The following DRC11 variants were observed in gnomAD, a reference collection of about 807,000 sequenced individuals.
The protein encoded by DRC11 is dynein regulatory complex subunit 11.
At chr2:236,458,038 T>C in the DRC11 span, among the ~76,000 whole-genome samples, 2 of 152,204 alleles carry the variant, frequency 1.3e-5, no homozygotes, top group Non-Finnish European at 2.9e-5. Flanking sequence ...TCTATTATTA[T>C]TATTATTGTT....
the DRC11 span, among the ~76,000 whole-genome samples, chr2:236,362,375 TCTC>T: frequency 2.6e-5 from 4 of 152,068 alleles, no homozygotes; most frequent in South Asian, 4.2e-4. This position sits in a 1 kb window ranked among gnomAD's most constrained non-coding sequence, Gnocchi z 5.7. Context: ...TCTTCCTCCT[TCTC>T]CTCAGCCTCC....
chr2:236,325,897 G>A, the DRC11 span, among the ~76,000 whole-genome samples: 9 of 152,158 alleles, frequency 5.9e-5, no homozygotes, highest in Non-Finnish European at 1.3e-4. This position sits in a 1 kb window ranked among gnomAD's most constrained non-coding sequence, Gnocchi z 4.4. Flanking sequence ...GCCACGGTGC[G>A]TGGCTTCATA....
chr2:236,497,021 T>C, the DRC11 span: 54 of 677,782 alleles, frequency 8.0e-5, no homozygotes, highest in African/African-American at 8.1e-4. The surrounding 1 kb of genome is among the most constrained non-coding windows in gnomAD (Gnocchi z 5.1). Context: ...CATGGTGTAA[T>C]TGAAGGCAAA....
At chr2:236,316,969 A>G in the DRC11 span, among the ~76,000 whole-genome samples, 1 of 152,206 alleles carries the variant, frequency 6.6e-6, no homozygotes, top group Non-Finnish European at 1.5e-5. The surrounding 1 kb of genome is among the most constrained non-coding windows in gnomAD (Gnocchi z 6.8). Flanking sequence ...CCACAGCAGC[A>G]TCATTCATAA....
At chr2:236,424,407 T>C in the DRC11 span, among the ~76,000 whole-genome samples, 2 of 152,186 alleles carry the variant, frequency 1.3e-5, no homozygotes, top group Non-Finnish European at 2.9e-5. Context: ...TATTACATTT[T>C]CATGGTTCAC....
the DRC11 span, among the ~76,000 whole-genome samples, chr2:236,453,534 A>C: frequency 2.0e-5 from 3 of 152,206 alleles, no homozygotes; most frequent in Admixed American, 6.5e-5. The surrounding 1 kb of genome is among the most constrained non-coding windows in gnomAD (Gnocchi z 4.9). Flanking sequence ...TGCGTTAAGT[A>C]CTGTAAAGAA....
the DRC11 span, among the ~76,000 whole-genome samples, chr2:236,358,102 ATAT>A: frequency 8.5e-6 from 1 of 117,146 alleles, no homozygotes; most frequent in Non-Finnish European, 1.6e-5. Flanking sequence ...TACCATATGA[ATAT>A]ATATTATACA....
the DRC11 span, among the ~76,000 whole-genome samples, chr2:236,420,305 A>C: frequency 6.6e-6 from 1 of 152,210 alleles, no homozygotes; most frequent in African/African-American, 2.4e-5. This position sits in a 1 kb window ranked among gnomAD's most constrained non-coding sequence, Gnocchi z 4.8. Context: ...TTCATAATGT[A>C]GGGAGAAAAG....
the DRC11 span, among the ~76,000 whole-genome samples, chr2:236,458,796 A>C: frequency 2.0e-5 from 3 of 152,166 alleles, no homozygotes; most frequent in Non-Finnish European, 2.9e-5. Context: ...CTGTAATCCC[A>C]GCACTTTGGG....
the DRC11 span, among the ~76,000 whole-genome samples, chr2:236,359,433 G>C: frequency 2.0e-5 from 3 of 152,158 alleles, no homozygotes; most frequent in African/African-American, 7.2e-5. This position sits in a 1 kb window ranked among gnomAD's most constrained non-coding sequence, Gnocchi z 4.3. Flanking sequence ...ACGGTGCTGT[G>C]AGTGAGGCGA....
At chr2:236,357,317 A>T in the DRC11 span, among the ~76,000 whole-genome samples, 2 of 116,232 alleles carry the variant, frequency 1.7e-5, no homozygotes, top group Non-Finnish European at 3.2e-5. Flanking sequence ...AGATCTATAT[A>T]TTATATATAT....
the DRC11 span, chr2:236,399,359 G>A: frequency 7.2e-7 from 1 of 1,389,994 alleles, no homozygotes; most frequent in South Asian, 1.2e-5. The surrounding 1 kb of genome is among the most constrained non-coding windows in gnomAD (Gnocchi z 7.0). Flanking sequence ...CCCGTGATGG[G>A]GTTCCCAGCA....
chr2:236,471,744 G>A, the DRC11 span, among the ~76,000 whole-genome samples: 36 of 152,164 alleles, frequency 2.4e-4, no homozygotes, highest in Admixed American at 2.4e-3. The surrounding 1 kb of genome is among the most constrained non-coding windows in gnomAD (Gnocchi z 4.6). Flanking sequence ...CAAGGTGCCA[G>A]CCCAAGTTCA....
At chr2:236,357,484 A>G in the DRC11 span, among the ~76,000 whole-genome samples, 1 of 127,274 alleles carries the variant, frequency 7.9e-6, no homozygotes, top group Non-Finnish European at 1.5e-5. Flanking sequence ...GTATATTTAT[A>G]TATTATAAAT....
chr2:236,459,660 CATACGT>C, the DRC11 span, among the ~76,000 whole-genome samples: 1 of 101,508 alleles, frequency 9.9e-6, no homozygotes, highest in Non-Finnish European at 2.4e-5. Flanking sequence ...TATGTATATA[CATACGT>C]ATATACGTAT....
the DRC11 span, among the ~76,000 whole-genome samples, chr2:236,358,148 G>T: frequency 9.3e-5 from 11 of 118,484 alleles, no homozygotes; most frequent in Non-Finnish European, 1.6e-4. Flanking sequence ...TATATAAATA[G>T]ATATATACTA....
At chr2:236,463,972 A>G in the DRC11 span, among the ~76,000 whole-genome samples, 1 of 152,220 alleles carries the variant, frequency 6.6e-6, no homozygotes, top group Admixed American at 6.5e-5. The surrounding 1 kb of genome is among the most constrained non-coding windows in gnomAD (Gnocchi z 5.0). Flanking sequence ...GGGGGCCCTC[A>G]GCTTCTCACT....
At chr2:236,380,474 G>C in the DRC11 span, 4 of 913,550 alleles carry the variant, frequency 4.4e-6, no homozygotes, top group African/African-American at 1.7e-5. This position sits in a 1 kb window ranked among gnomAD's most constrained non-coding sequence, Gnocchi z 4.9. Flanking sequence ...AGGATGAAGA[G>C]GGCGTGGCAT....
At chr2:236,483,133 C>T in the DRC11 span, among the ~76,000 whole-genome samples, 4 of 152,198 alleles carry the variant, frequency 2.6e-5, no homozygotes, top group East Asian at 5.8e-4. This position sits in a 1 kb window ranked among gnomAD's most constrained non-coding sequence, Gnocchi z 4.8. Flanking sequence ...TGAAATCATA[C>T]AGTATTTGTC....
Sources: gnomAD v4.1 joint callset for allele counts (sites outside exome capture counted in the v4.1 genomes callset) on GRCh38, gnomAD v4.1.1 for gene constraint, Gnocchi (gnomAD v3.1) non-coding constraint, MANE v1.5 for transcripts, NCBI Gene and HGNC (gene_info 2026-07-23, HGNC 2026-07-21) for gene names.